The following CCSER1 variants were observed in gnomAD, a reference collection of about 807,000 sequenced individuals.
CCSER1 encodes the protein coiled-coil serine rich protein 1, also known as serine-rich coiled-coil domain-containing protein 1.
A neutral mutation model predicts 82.0 loss-of-function variants in CCSER1; 41 were observed. That is an observed-to-expected ratio of 0.50 (90% CI 0.39 to 0.65). The LOEUF is 0.65. Ranked by LOEUF, CCSER1 falls within the 30% of genes least tolerant of loss-of-function variation. The pLI, the probability that CCSER1 is intolerant of heterozygous loss-of-function variation, is 0.00. For synonymous variants in CCSER1, 414 were observed against 383.9 expected, an observed-to-expected ratio of 1.08 and a Z score of -0.92; for missense variants, 1,119 against 1,064.2, an observed-to-expected ratio of 1.05 and a Z score of -0.72.
chr4:90,890,678 C>T (rs1722833270), intron 8 of CCSER1, among the ~76,000 whole-genome samples: 1 of 152,180 alleles, frequency 6.6e-6, no homozygotes, highest in African/African-American at 2.4e-5. Flanking sequence ...GATCTTGAAG[C>T]AGTCCTTTGG....
chr4:90,131,280 C>A (rs774678520), intron 1 of CCSER1, among the ~76,000 whole-genome samples: 1 of 152,218 alleles, frequency 6.6e-6, no homozygotes, highest in Non-Finnish European at 1.5e-5. Flanking sequence ...GGGTAACAGG[C>A]GTGAGCTACC....
chr4:90,773,881 C>T (rs1340251398), intron 7 of CCSER1, among the ~76,000 whole-genome samples: 3 of 152,018 alleles, frequency 2.0e-5, no homozygotes, highest in African/African-American at 2.4e-5. Flanking sequence ...AAAAAGGAGA[C>T]GTTAGATCGG....
chr4:91,594,285 A>G (rs910735118), intron 10 of CCSER1, among the ~76,000 whole-genome samples: 48 of 150,266 alleles, frequency 3.2e-4, no homozygotes, highest in South Asian at 6.3e-4. Context: ...ATATATATAT[A>G]TGTGTGTATA....
intron 10 of CCSER1, among the ~76,000 whole-genome samples, chr4:91,452,565 T>C (rs1276010405): frequency 6.6e-6 from 1 of 152,064 alleles, no homozygotes; most frequent in East Asian, 1.9e-4. Context: ...CCAGAAATGA[T>C]ACAGCCAAAG....
intron 3 of CCSER1, among the ~76,000 whole-genome samples, chr4:90,354,396 A>G (rs1158453410): frequency 6.6e-6 from 1 of 152,182 alleles, no homozygotes; most frequent in Non-Finnish European, 1.5e-5. Context: ...AATATGTTCC[A>G]GGGATTTAAT....
chr4:91,016,597 C>G (rs1472537348), intron 9 of CCSER1, among the ~76,000 whole-genome samples: 5 of 151,888 alleles, frequency 3.3e-5, no homozygotes, highest in African/African-American at 1.2e-4. Context: ...TGTATCATGG[C>G]TAATAGCTGT....
Position 90,810,832 on chromosome 4 carries a change from C to CTT in CCSER1, c.2011-4913_2011-4912dup, listed in dbSNP as rs375997127. Among the ~76,000 whole-genome samples the CTT allele has an allele frequency of 4.5e-3, 506 of 113,570 alleles. 25 individuals are homozygous for CTT. The highest frequency in any genetic ancestry group is 0.026 in the East Asian group (95 of 3,682). 74.5% of individuals were successfully genotyped at this position (113,570 alleles called of 152,430 possible). ...CTTTCTAGTGAAATAAAGAGTAATT[C>CTT]TTTTTTTTTTTTTTTTTTGAGACGG... On this transcript the variant is annotated intron_variant, in intron 7 of 10. Coordinates refer to ENST00000509176, the MANE Select transcript of CCSER1 (RefSeq NM_001145065.2).
intron 1 of CCSER1, among the ~76,000 whole-genome samples, chr4:90,210,547 G>A (rs1384477833): frequency 6.6e-6 from 1 of 151,408 alleles, no homozygotes; most frequent in Non-Finnish European, 1.5e-5. Flanking sequence ...GGGCTCAAGC[G>A]ATCCTCCTGC....
chr4:91,342,162 A>G (rs1747763287), intron 10 of CCSER1, among the ~76,000 whole-genome samples: 1 of 152,188 alleles, frequency 6.6e-6, no homozygotes, highest in Non-Finnish European at 1.5e-5. Flanking sequence ...AATTTTTACT[A>G]CAGTCTATAA....
At chr4:91,534,950 A>C (rs1428749554) in intron 10 of CCSER1, among the ~76,000 whole-genome samples, 1 of 151,804 alleles carries the variant, frequency 6.6e-6, no homozygotes, top group African/African-American at 2.4e-5. Context: ...ATCTTAAATC[A>C]CATTTTCTTC....
chr4:90,668,646 G>C (rs1438616237), intron 6 of CCSER1, among the ~76,000 whole-genome samples: 1 of 151,948 alleles, frequency 6.6e-6, no homozygotes, highest in East Asian at 1.9e-4. Flanking sequence ...ATTTTCAAAT[G>C]CTTCTTGATT....
At chr4:91,034,121 C>T (rs1412456369) in intron 9 of CCSER1, among the ~76,000 whole-genome samples, 2 of 152,148 alleles carry the variant, frequency 1.3e-5, no homozygotes, top group African/African-American at 4.8e-5. Context: ...ATTTTAGGAT[C>T]TCTTCCTGTA....
At chr4:90,739,535 C>T (rs1190909961) in intron 7 of CCSER1, among the ~76,000 whole-genome samples, 2 of 152,128 alleles carry the variant, frequency 1.3e-5, no homozygotes, top group Non-Finnish European at 2.9e-5. Flanking sequence ...AGGACTTGCC[C>T]AGGAATTGCA....
intron 8 of CCSER1, among the ~76,000 whole-genome samples, chr4:90,845,649 C>T (rs1281372275): frequency 6.6e-6 from 1 of 151,878 alleles, no homozygotes; most frequent in Non-Finnish European, 1.5e-5. Flanking sequence ...TGTCCTAGGC[C>T]AGAAGGCAAC....
At chr4:90,612,257 T>C (rs1785613774) in intron 5 of CCSER1, among the ~76,000 whole-genome samples, 1 of 152,176 alleles carries the variant, frequency 6.6e-6, no homozygotes, top group Non-Finnish European at 1.5e-5. Flanking sequence ...ATTGGTGGAA[T>C]ACTAAAAAGA....
chr4:90,432,966 T>G (rs1758501582), intron 4 of CCSER1, among the ~76,000 whole-genome samples: 1 of 152,158 alleles, frequency 6.6e-6, no homozygotes, highest in African/African-American at 2.4e-5. Flanking sequence ...AGCTCAGTTC[T>G]TAGACTTTCT....
intron 9 of CCSER1, among the ~76,000 whole-genome samples, chr4:90,947,411 A>C (rs1732385323): frequency 6.6e-6 from 1 of 152,210 alleles, no homozygotes; most frequent in African/African-American, 2.4e-5. Flanking sequence ...TCACATGTAC[A>C]TAAAGCTATC....
chr4:91,407,797 A>T (rs947246901), intron 10 of CCSER1, among the ~76,000 whole-genome samples: 2 of 152,184 alleles, frequency 1.3e-5, no homozygotes, highest in Non-Finnish European at 2.9e-5. Context: ...CCCATGAGGG[A>T]TCCATTCCAT....
intron 10 of CCSER1, among the ~76,000 whole-genome samples, chr4:91,502,873 C>A (rs1759284681): frequency 6.6e-6 from 1 of 152,096 alleles, no homozygotes. Context: ...GTAGTCTTAA[C>A]ATATATTCAA....
Sources: allele counts gnomAD v4.1 joint callset (sites outside exome capture counted in the v4.1 genomes callset), GRCh38; gene constraint gnomAD v4.1.1; transcripts MANE v1.5; gene names NCBI Gene and HGNC (gene_info 2026-07-23, HGNC 2026-07-21).